The following LIMCH1 variants were observed in gnomAD, a reference collection of about 807,000 sequenced individuals.
LIMCH1 encodes the protein LIM and calponin homology domains 1, also known as LIM and calponin homology domains-containing protein 1.
A neutral mutation model predicts 176.5 loss-of-function variants in LIMCH1; 113 were observed. The observed-to-expected ratio is 0.64, with a 90% CI of 0.55 to 0.75. The LOEUF (loss-of-function observed/expected upper bound fraction) is 0.75. LIMCH1 is among the 30% of genes least tolerant of loss of function. The probability of loss-of-function intolerance (pLI) is 0.00; values close to 1 mark genes in which losing one functional copy is unlikely to be tolerated. For missense variants in LIMCH1, 1,674 were observed against 1,814.9 expected, an observed-to-expected ratio of 0.92 and a Z score of 1.41; for synonymous variants, 619 against 645.9, an observed-to-expected ratio of 0.96 and a Z score of 0.63.
intron 2 of LIMCH1, among the ~76,000 whole-genome samples, chr4:41,496,015 G>A (rs2072053745): frequency 6.6e-6 from 1 of 151,926 alleles, no homozygotes; most frequent in South Asian, 2.1e-4. Flanking sequence ...TTCAGTGGAT[G>A]CAAGCTCAGT....
intron 3 of LIMCH1, among the ~76,000 whole-genome samples, chr4:41,532,131 T>C (rs2152442330): frequency 6.6e-6 from 1 of 152,310 alleles, no homozygotes; most frequent in East Asian, 1.9e-4. Flanking sequence ...GTTAGCATTT[T>C]AGTAGGTCTA....
At chr4:41,469,386 A>G (rs2066614884) in intron 1 of LIMCH1, among the ~76,000 whole-genome samples, 1 of 152,118 alleles carries the variant, frequency 6.6e-6, no homozygotes, top group African/African-American at 2.4e-5. Flanking sequence ...TAGGTTTCCA[A>G]AGTCTTTGAA....
intron 15 of LIMCH1, among the ~76,000 whole-genome samples, chr4:41,644,948 A>G (rs1308115500): frequency 2.0e-5 from 3 of 152,232 alleles, no homozygotes; most frequent in East Asian, 3.8e-4. Context: ...ATTGATCATG[A>G]TGATGATGGT....
chr4:41,499,342 T>C (rs1176513505), intron 2 of LIMCH1, among the ~76,000 whole-genome samples: 1 of 152,216 alleles, frequency 6.6e-6, no homozygotes, highest in Non-Finnish European at 1.5e-5. Context: ...ACCATTTGAA[T>C]GTAAGATGCA....
intron 28 of LIMCH1, among the ~76,000 whole-genome samples, chr4:41,687,515 TA>T (rs930085515): frequency 6.6e-6 from 1 of 152,122 alleles, no homozygotes; most frequent in African/African-American, 2.4e-5. Context: ...TAGCAACTTT[TA>T]AAAAACAACC....
intron 1 of LIMCH1, among the ~76,000 whole-genome samples, chr4:41,381,221 G>A (rs1442246717): frequency 6.6e-6 from 1 of 152,160 alleles, no homozygotes; most frequent in Non-Finnish European, 1.5e-5. Flanking sequence ...AGACAAACAG[G>A]TGCACAAAAG....
chr4:41,588,101 A>G (rs2086810091), intron 1 of LIMCH1, among the ~76,000 whole-genome samples: 1 of 151,208 alleles, frequency 6.6e-6, no homozygotes, highest in Non-Finnish European at 1.5e-5. Flanking sequence ...CCACCCCACA[A>G]CAGTCCCTAG....
rs371151705 is a variant in LIMCH1 at position 41,378,444 on chromosome 4, T to A, written c.96+17508T>A. 1.2e-4 allele frequency among the ~76,000 whole-genome samples: 19 copies of A among 152,368 alleles called. No homozygotes were observed. In the East Asian group the frequency reaches 2.9e-3, roughly 23 times the overall value. The stretch of plus-strand genomic sequence containing the variant: ...GTGATTAGGATTAAATAAATTAATA[T>A]ACTCAGTGCTTGATATAAAGTCAAG... On this transcript the variant is annotated intron_variant, in intron 1 of 26. Transcript: ENST00000313860.
At chr4:41,605,847 C>A in intron 3 of LIMCH1, 47 bp from the exon 4 acceptor site, 1 of 1,213,756 alleles carries the variant, frequency 8.2e-7, no homozygotes, top group Non-Finnish European at 1.2e-6. Flanking sequence ...TTAGTTTAAA[C>A]GTCATTCTTG....
At chr4:41,446,012 T>G (rs532816258) in intron 1 of LIMCH1, among the ~76,000 whole-genome samples, 4 of 152,326 alleles carry the variant, frequency 2.6e-5, no homozygotes, top group African/African-American at 9.6e-5. Context: ...AGAACGAAGT[T>G]TCCCTAAAGG....
chr4:41,624,544 A>AT (rs150175244), intron 7 of LIMCH1, among the ~76,000 whole-genome samples: 3,956 of 145,694 alleles, frequency 0.027, 180 homozygotes, highest in African/African-American at 0.095. Context: ...CGGTTTTGCC[A>AT]TTTTTAAAGG....
intron 1 of LIMCH1, among the ~76,000 whole-genome samples, chr4:41,467,928 A>G (rs2066386764): frequency 6.6e-6 from 1 of 152,212 alleles, no homozygotes; most frequent in Admixed American, 6.5e-5. Context: ...CCATTCATAC[A>G]GCGTCACATA....
intron 1 of LIMCH1, among the ~76,000 whole-genome samples, chr4:41,426,972 G>T (rs1425349451): frequency 6.6e-6 from 1 of 152,200 alleles, no homozygotes; most frequent in Non-Finnish European, 1.5e-5. Flanking sequence ...GGCCATGGAT[G>T]GAGAGGTGGC....
Position 41,699,156 on chromosome 4 carries a change from C to A in LIMCH1, c.*1971C>A, listed in dbSNP as rs1015927029. ...ACCACTAGTAATGCACAAACATGTA[C>A]AATATGGTCATTCATAACCGATTTT... On this transcript the variant is annotated 3_prime_UTR_variant, in exon 32 of 32. Coordinates refer to ENST00000503057, the MANE Select transcript of LIMCH1 (RefSeq NM_001330672.2). 2 of 152,100 alleles carry A rather than the reference C, an allele frequency of 1.3e-5. No homozygotes were observed. Among genetic ancestry groups the A allele is most frequent in the Non-Finnish European group, 2.9e-5 (2 of 68,018 alleles). 9.4% of individuals were successfully genotyped at this position (152,100 alleles called of 1,614,324 possible).
At chr4:41,482,391 G>T (rs550425403) in intron 1 of LIMCH1, among the ~76,000 whole-genome samples, 1 of 152,290 alleles carries the variant, frequency 6.6e-6, no homozygotes, top group African/African-American at 2.4e-5. Context: ...ATTACAGCTA[G>T]GAAGAGAATG....
rs1202916687 is a variant in LIMCH1 at position 41,515,213 on chromosome 4, G to A, written c.168-9196G>A. Among the ~76,000 whole-genome samples the A allele has an allele frequency of 2.0e-5, 3 of 152,238 alleles. No individual in the cohort carries two copies. In the East Asian group the frequency reaches 5.8e-4, roughly 29 times the overall value. On this transcript the variant is annotated intron_variant, in intron 2 of 26. Transcript: ENST00000313860. ...GAAAGCAGGGCTGGAGCCAGCTGTG[G>A]CTGCGGTGATCACGCAGCCGGGTCT...
intron 18 of LIMCH1, among the ~76,000 whole-genome samples, chr4:41,659,350 G>GA (rs1288146616): frequency 2.0e-5 from 3 of 152,050 alleles, no homozygotes; most frequent in Non-Finnish European, 4.4e-5. Flanking sequence ...TCTGTCATTA[G>GA]AAAATGCCCA....
chr4:41,502,979 G>A (rs1189942496), intron 2 of LIMCH1, among the ~76,000 whole-genome samples: 2 of 149,456 alleles, frequency 1.3e-5, no homozygotes, highest in Non-Finnish European at 3.0e-5. Flanking sequence ...CTTGAATTGT[G>A]TTATCTGACT....
At position 41,578,968 on chromosome 4, in the gene LIMCH1, G is replaced by A. The variant is rs79039456; in HGVS notation, c.-240-19952G>A. On this transcript the variant is annotated intron_variant, in intron 1 of 31. Transcript: ENST00000503057. ...TTCTCCTGCCTCAGCCTCCCAAAGC[G>A]CTGAGCTTACAAATGTGAACCACTG... is the stretch of plus-strand genomic sequence containing the variant. 3.3e-3 allele frequency among the ~76,000 whole-genome samples: 509 copies of A among 151,970 alleles called. 4 individuals carry two copies. The highest frequency in any genetic ancestry group is 0.012 in the African/African-American group (479 of 41,454).
Sources: allele counts gnomAD v4.1 joint callset (sites outside exome capture counted in the v4.1 genomes callset), GRCh38; gene constraint gnomAD v4.1.1; transcripts MANE v1.5; gene names NCBI Gene and HGNC (gene_info 2026-07-23, HGNC 2026-07-21).